DNM2: variants seen among roughly 807,000 people sequenced by gnomAD.
The protein encoded by DNM2 is dynamin-2.
In DNM2, 15 loss-of-function variants were observed where a neutral mutation model predicts 99.0. The observed-to-expected ratio is 0.15, with a 90% confidence interval of 0.10 to 0.23. The LOEUF is 0.23. Ranked by LOEUF, DNM2 falls within the 10% of genes least tolerant of loss-of-function variation. The pLI, the probability that DNM2 is intolerant of heterozygous loss-of-function variation, is 1.00. For synonymous variants in DNM2, 525 were observed against 481.2 expected (o/e 1.09, Z -1.19); for missense variants, 742 against 1,189.4 (o/e 0.62, Z 5.53).
intron 11 of DNM2, among the ~76,000 whole-genome samples, chr19:10,800,912 T>TGC (rs2072113476): frequency 1.3e-5 from 2 of 152,254 alleles, no homozygotes; most frequent in Admixed American, 6.5e-5. Flanking sequence ...TGTGTGTGTG[T>TGC]GCGCGCGTGC....
chr19:10,799,098 A>G (rs1258807921), intron 11 of DNM2, among the ~76,000 whole-genome samples: 1 of 152,206 alleles, frequency 6.6e-6, no homozygotes, highest in Non-Finnish European at 1.5e-5. Flanking sequence ...GTGGTGGCGC[A>G]TGCCTGTGGT....
At chr19:10,747,231 A>G (rs927968090) in intron 1 of DNM2, among the ~76,000 whole-genome samples, 1 of 152,030 alleles carries the variant, frequency 6.6e-6, no homozygotes, top group Non-Finnish European at 1.5e-5. Flanking sequence ...GAGTTTCACA[A>G]ACCCTTCCAC....
chr19:10,784,564 C>A (rs1223173275), intron 6 of DNM2, among the ~76,000 whole-genome samples: 1 of 152,150 alleles, frequency 6.6e-6, no homozygotes, highest in Non-Finnish European at 1.5e-5. Context: ...AGCAGCAGCG[C>A]CCCTTCCTCT....
At chr19:10,819,023 C>T (rs535523286) in intron 15 of DNM2, among the ~76,000 whole-genome samples, 2 of 152,210 alleles carry the variant, frequency 1.3e-5, no homozygotes, top group South Asian at 2.1e-4. Context: ...CTCCGTGACT[C>T]GCCAGCCCCT....
At chr19:10,744,521 C>G (rs2069889360) in intron 1 of DNM2, among the ~76,000 whole-genome samples, 1 of 152,112 alleles carries the variant, frequency 6.6e-6, no homozygotes, top group Non-Finnish European at 1.5e-5. Context: ...CTACCTACTC[C>G]CCTGGAAGGA....
chr19:10,787,713 C>T (rs2071610168), intron 7 of DNM2, among the ~76,000 whole-genome samples: 1 of 150,190 alleles, frequency 6.7e-6, no homozygotes, highest in Non-Finnish European at 1.5e-5. Context: ...TGAGATCACG[C>T]CACTGCACTC....
rs1227564445 is a variant in DNM2 at position 10,817,583 on chromosome 19, A to C, written c.1672-2397A>C. 1.1e-5 allele frequency: 4 copies of C among 371,114 alleles called. No individual in the cohort carries two copies. Among genetic ancestry groups the C allele is most frequent in the Non-Finnish European group, 2.2e-5 (4 of 181,844 alleles). The allele number at this position is 371,114 out of a possible 1,614,324, so 23.0% of individuals were successfully genotyped here. ...GTGCCTCAGCACCTCTGAGCAGCCA[A>C]GGAAACCACCACTCTTCCCGAGACG... On this transcript the variant is annotated intron_variant, in intron 15 of 20. Transcript: ENST00000389253. This position sits in a 1 kb window ranked among gnomAD's most constrained non-coding sequence, Gnocchi z 4.6.
At chr19:10,747,209 G>C (rs777791247) in intron 1 of DNM2, among the ~76,000 whole-genome samples, 2 of 152,036 alleles carry the variant, frequency 1.3e-5, no homozygotes, top group Non-Finnish European at 2.9e-5. Flanking sequence ...TCTCTTTTGG[G>C]TATCATGGTA....
In DNM2 at chr19:10,831,051, T is replaced by G; in HGVS notation, c.*4T>G. ...CGAGCCATCCCTGCTCGACTAGGCC[T>G]CGAGGGGGGCGTGCTCTCGGGGGGG... On this transcript the variant is annotated 3_prime_UTR_variant, in exon 21 of 21. Coordinates refer to ENST00000389253, the MANE Select transcript of DNM2 (RefSeq NM_001005361.3). The surrounding 1 kb of genome is among the most constrained non-coding windows in gnomAD (Gnocchi z 4.3). 6.2e-7 allele frequency: 1 copy of G among 1,600,816 alleles called. No individual in the cohort carries two copies. Among genetic ancestry groups the G allele is most frequent in the Non-Finnish European group, 8.5e-7 (1 of 1,173,624 alleles).
At position 10,830,241 on chromosome 19, in the gene DNM2, C is replaced by T. The variant is rs2146210111; in HGVS notation, c.2406C>T (p.Ala802=). 6.2e-7 allele frequency: 1 copy of T among 1,614,022 alleles called. No individual in the cohort carries two copies. Among genetic ancestry groups the T allele is most frequent in the Non-Finnish European group, 8.5e-7 (1 of 1,179,934 alleles). Residue 802 remains alanine, a synonymous_variant, in exon 20 of 21, where the codon GCC becomes GCT. Transcript: ENST00000389253. The surrounding 1 kb of genome is among the most constrained non-coding windows in gnomAD (Gnocchi z 4.8). The stretch of plus-strand genomic sequence containing the variant: ...TTCCTGTTCCCGTGGGGGCAGCAGC[C>T]TCCTTCTCGGCGCCCCCAATCCCAT... ...PLIPVPVGAA[A]SFSAPPIPSR... is the part of the protein sequence containing the mutation.
chr19:10,795,229 A>T lies in DNM2; in HGVS notation c.1129-143A>T. On this transcript the variant is annotated intron_variant, in intron 8 of 20. Transcript: ENST00000389253. The surrounding 1 kb of genome is among the most constrained non-coding windows in gnomAD (Gnocchi z 4.2). ...AGCCACTGTATCTGGCCAGTTTTCAATTTTTTAAATAAAATTTTGACGAGT... is the reference window on the plus strand; with the variant it reads ...AGCCACTGTATCTGGCCAGTTTTCATTTTTTTAAATAAAATTTTGACGAGT... 1.2e-6 allele frequency: 1 copy of T among 809,924 alleles called. No homozygotes were observed. The highest frequency in any genetic ancestry group is 1.7e-5 in the African/African-American group (1 of 58,908). The allele number at this position is 809,924 out of a possible 1,614,324, so 50.2% of individuals were successfully genotyped here. A position where few individuals can be genotyped will look rare whatever the true frequency, so the allele number is the denominator to read the frequency against.
At chr19:10,728,946 A>G (rs1479741641) in intron 1 of DNM2, among the ~76,000 whole-genome samples, 2 of 145,726 alleles carry the variant, frequency 1.4e-5, no homozygotes, top group Non-Finnish European at 3.0e-5. Context: ...CCCGGTCTCA[A>G]AAAAAAAAAA....
intron 1 of DNM2, among the ~76,000 whole-genome samples, chr19:10,734,537 G>T (rs1222500449): frequency 6.7e-6 from 1 of 150,188 alleles, no homozygotes; most frequent in African/African-American, 2.5e-5. Flanking sequence ...TCCTCTGGAG[G>T]CTGAGACAGG....
chr19:10,749,177 T>C (rs1041029988), intron 1 of DNM2, among the ~76,000 whole-genome samples: 9 of 152,186 alleles, frequency 5.9e-5, no homozygotes, highest in African/African-American at 2.2e-4. Context: ...GGCTTATCTG[T>C]TGATTCTCCC....
In DNM2 at chr19:10,817,446, A is replaced by G. The variant is rs776326431; in HGVS notation, c.1672-2534A>G. On this transcript the variant is annotated intron_variant, in intron 15 of 20. Transcript: ENST00000389253. This position sits in a 1 kb window ranked among gnomAD's most constrained non-coding sequence, Gnocchi z 4.6. ...GCCCAGCCTAACCAATGTGCAGACT[A>G]CTGTACACATTGAGAGCCTCCTGAA... 5.9e-6 allele frequency: 3 copies of G among 510,904 alleles called. No individual in the cohort carries two copies. Among genetic ancestry groups the G allele is most frequent in the South Asian group, 2.9e-5 (2 of 68,148 alleles). The allele number at this position is 510,904 out of a possible 1,614,324, so 31.6% of individuals were successfully genotyped here. A position where few individuals can be genotyped will look rare whatever the true frequency, so the allele number is the denominator to read the frequency against.
intron 1 of DNM2, among the ~76,000 whole-genome samples, chr19:10,745,050 C>CAGTTTTGA (rs2069911885): frequency 6.6e-6 from 1 of 152,194 alleles, no homozygotes; most frequent in Non-Finnish European, 1.5e-5. Context: ...ACATTCAAAT[C>CAGTTTTGA]ACGTTGGAGA....
At chr19:10,814,741 G>A (rs1195339435) in intron 15 of DNM2, among the ~76,000 whole-genome samples, 2 of 151,886 alleles carry the variant, frequency 1.3e-5, no homozygotes, top group South Asian at 2.1e-4. Flanking sequence ...TTTGTGCCTG[G>A]CTTATTTCAC....
rs1568301351 is a variant in DNM2 at position 10,788,148 on chromosome 19, G to A, written c.992+1442G>A. On this transcript the variant is annotated intron_variant, in intron 7 of 20. Coordinates refer to ENST00000389253, the MANE Select transcript of DNM2 (RefSeq NM_001005361.3). Reference sequence around the variant, plus strand: ...CTCGGGAGACTGAGGCAAGAGAATCGCTTGAAGCCAAGAGGCAGAGGTTGC... The same window carrying A: ...CTCGGGAGACTGAGGCAAGAGAATCACTTGAAGCCAAGAGGCAGAGGTTGC... Among the ~76,000 whole-genome samples, 7 of 151,614 alleles carry A rather than the reference G, an allele frequency of 4.6e-5. No individual in the cohort carries two copies. The South Asian group carries it at 8.3e-4, about 18-fold the overall frequency.
intron 6 of DNM2, among the ~76,000 whole-genome samples, chr19:10,784,206 C>T (rs553202530): frequency 2.6e-5 from 4 of 152,114 alleles, no homozygotes; most frequent in South Asian, 2.1e-4. Flanking sequence ...AGTGTCCACA[C>T]GAGAGTAGGT....
Sources: gnomAD v4.1 joint callset for allele counts (sites outside exome capture counted in the v4.1 genomes callset) on GRCh38, gnomAD v4.1.1 for gene constraint, Gnocchi (gnomAD v3.1) non-coding constraint, MANE v1.5 for transcripts, NCBI Gene and HGNC (gene_info 2026-07-23, HGNC 2026-07-21) for gene names.